The following C8orf34 variants were observed in gnomAD, a reference collection of about 807,000 sequenced individuals.
The protein encoded by C8orf34 is chromosome 8 open reading frame 34, also known as uncharacterized protein C8orf34.
C8orf34 carries 65 observed loss-of-function variants against 68.3 expected under a neutral mutation model. The ratio of observed to expected loss-of-function variants is 0.95; its 90% CI spans 0.78 to 1.17. The LOEUF (loss-of-function observed/expected upper bound fraction) is 1.17, where lower values mean the gene tolerates loss of function less well. C8orf34 is among the 50% of genes most tolerant of loss of function. C8orf34 has a pLI of 0.00. For synonymous variants in C8orf34, 244 were observed against 241.2 expected, an observed-to-expected ratio of 1.01 and a Z score of -0.11; for missense variants, 664 against 655.4, an observed-to-expected ratio of 1.01 and a Z score of -0.14.
chr8:68,703,449 G>A (rs1821076048), intron 8 of C8orf34, among the ~76,000 whole-genome samples: 1 of 151,830 alleles, frequency 6.6e-6, no homozygotes, highest in Non-Finnish European at 1.5e-5. Context: ...ACCTCTTCTT[G>A]ACAACTATTT....
chr8:68,794,460 T>C (rs114479920), intron 12 of C8orf34, among the ~76,000 whole-genome samples: 4,299 of 137,138 alleles, frequency 0.031, 280 homozygotes, highest in African/African-American at 0.1. Context: ...GCATGAATCA[T>C]TGTGCCCAGT....
intron 3 of C8orf34, 90 bp downstream of exon 3, chr8:68,446,550 T>A: frequency 7.4e-7 from 1 of 1,345,352 alleles, no homozygotes; most frequent in Non-Finnish European, 1.0e-6. Flanking sequence ...GAAGCCCAAC[T>A]TTTCATCTGA....
chr8:68,506,443 G>T (rs570558742), intron 5 of C8orf34, among the ~76,000 whole-genome samples: 46 of 152,274 alleles, frequency 3.0e-4, no homozygotes, highest in African/African-American at 1.1e-3. Flanking sequence ...AAGCAATCAT[G>T]CTGCCCCAGC....
intron 7 of C8orf34, among the ~76,000 whole-genome samples, chr8:68,547,634 T>G (rs1815928904): frequency 6.6e-6 from 1 of 151,776 alleles, no homozygotes; most frequent in African/African-American, 2.4e-5. Context: ...CTTAAAAATA[T>G]TGTTAAATCT....
At chr8:68,766,828 C>A (rs1013095112) in intron 10 of C8orf34, among the ~76,000 whole-genome samples, 13 of 152,106 alleles carry the variant, frequency 8.5e-5, no homozygotes, top group Admixed American at 2.0e-4. Flanking sequence ...TAGTGAAAAT[C>A]ACTCAAATAA....
At chr8:68,537,363 A>G (rs573417677) in intron 7 of C8orf34, among the ~76,000 whole-genome samples, 1 of 149,188 alleles carries the variant, frequency 6.7e-6, no homozygotes, top group African/African-American at 2.5e-5. Flanking sequence ...AATATTGCTC[A>G]TTGGAAGTAA....
chr8:68,414,236 C>T (rs1809567039), intron 1 of C8orf34, among the ~76,000 whole-genome samples: 2 of 152,100 alleles, frequency 1.3e-5, no homozygotes, highest in African/African-American at 4.8e-5. Context: ...ATTTATTTTA[C>T]TGATTGATTT....
chr8:68,424,232 G>A (rs576167203), intron 1 of C8orf34, among the ~76,000 whole-genome samples: 124 of 152,194 alleles, frequency 8.1e-4, no homozygotes, highest in African/African-American at 2.8e-3. Flanking sequence ...AAGTGAAGCA[G>A]ACCAGAATAG....
chr8:68,389,383 T>C (rs145587541), intron 1 of C8orf34, among the ~76,000 whole-genome samples: 1 of 152,308 alleles, frequency 6.6e-6, no homozygotes, highest in African/African-American at 2.4e-5. Flanking sequence ...ATAAGTGCTA[T>C]GTATGCTATT....
intron 7 of C8orf34, among the ~76,000 whole-genome samples, chr8:68,624,741 A>G (rs1377658367): frequency 2.0e-5 from 3 of 152,038 alleles, no homozygotes; most frequent in Admixed American, 2.0e-4. Flanking sequence ...GAATTTATTT[A>G]TTTATTTATT....
chr8:68,796,931 A>G (rs1356099106), intron 12 of C8orf34, among the ~76,000 whole-genome samples: 1 of 151,008 alleles, frequency 6.6e-6, no homozygotes, highest in African/African-American at 2.4e-5. Flanking sequence ...CATTCAAGCA[A>G]TTCTCTTGCC....
At chr8:68,364,958 C>A (rs1330587563) in intron 1 of C8orf34, among the ~76,000 whole-genome samples, 2 of 150,262 alleles carry the variant, frequency 1.3e-5, no homozygotes, top group African/African-American at 2.4e-5. Context: ...AATCCAGGAG[C>A]TGGTTTTTTG....
intron 10 of C8orf34, among the ~76,000 whole-genome samples, chr8:68,745,529 A>C (rs188978306): frequency 6.6e-6 from 1 of 152,086 alleles, no homozygotes; most frequent in Non-Finnish European, 1.5e-5. Flanking sequence ...AAAATAAAAG[A>C]ATGGAGGAAG....
intron 5 of C8orf34, among the ~76,000 whole-genome samples, chr8:68,499,530 A>C (rs1288202858): frequency 6.6e-6 from 1 of 152,234 alleles, no homozygotes. Flanking sequence ...GTACACTACC[A>C]ACAAGTAAAT....
intron 1 of C8orf34, among the ~76,000 whole-genome samples, chr8:68,332,563 T>A (rs1805672209): frequency 6.6e-6 from 1 of 151,690 alleles, no homozygotes; most frequent in South Asian, 2.1e-4. Flanking sequence ...GAGAAGCAAG[T>A]GAGAACTGTG....
At chr8:68,530,523 T>G in intron 6 of C8orf34, 1 of 628,396 alleles carries the variant, frequency 1.6e-6, no homozygotes, top group Non-Finnish European at 2.3e-6. Flanking sequence ...TTGTTTTGAT[T>G]GGTTTTGTTT....
intron 1 of C8orf34, among the ~76,000 whole-genome samples, chr8:68,426,408 G>A (rs1810216825): frequency 6.6e-6 from 1 of 150,828 alleles, no homozygotes; most frequent in Admixed American, 6.6e-5. Flanking sequence ...AGTCCCAAAT[G>A]CTCGGGGGCC....
At chr8:68,560,743 G>A (rs1051827708) in intron 7 of C8orf34, among the ~76,000 whole-genome samples, 2 of 152,104 alleles carry the variant, frequency 1.3e-5, no homozygotes, top group African/African-American at 2.4e-5. Context: ...TGGTACTCCT[G>A]TACAGGACAC....
At chr8:68,410,015 G>A (rs1242562032) in intron 1 of C8orf34, among the ~76,000 whole-genome samples, 1 of 152,144 alleles carries the variant, frequency 6.6e-6, no homozygotes, top group African/African-American at 2.4e-5. Context: ...AGACCACGTA[G>A]GTTTGTGTAA....
Sources: allele counts gnomAD v4.1 joint callset (sites outside exome capture counted in the v4.1 genomes callset), GRCh38; gene constraint gnomAD v4.1.1; transcripts MANE v1.5; gene names NCBI Gene and HGNC (gene_info 2026-07-23, HGNC 2026-07-21).